Variants in NBPF12 observed in about 807,000 individuals in gnomAD.
NBPF12 encodes the protein NBPF family member NBPF12.
Under a neutral mutation model 146.4 loss-of-function variants are expected in NBPF12, and 115 were observed. The observed-to-expected ratio is 0.79, with a 90% CI of 0.68 to 0.92. The LOEUF (loss-of-function observed/expected upper bound fraction) is 0.92. NBPF12 is among the 40% of genes least tolerant of loss of function. NBPF12 has a pLI of 0.00. For synonymous variants in NBPF12, 385 were observed against 508.9 expected, an observed-to-expected ratio of 0.76 and a Z score of 3.28; for missense variants, 1,205 against 1,326.8, an observed-to-expected ratio of 0.91 and a Z score of 1.43.
At chr1:146,982,397 A>G (rs1349358675) in intron 19 of NBPF12, among the ~76,000 whole-genome samples, 1 of 149,270 alleles carries the variant, frequency 6.7e-6, no homozygotes, top group Admixed American at 6.7e-5. Flanking sequence ...ATTCTCTCCC[A>G]TGTGTTTAAA....
intron 7 of NBPF12, 72 bp from the exon 11 acceptor site, chr1:146,964,821 A>T (rs1399708919): frequency 1.9e-6 from 3 of 1,597,356 alleles, no homozygotes; most frequent in Non-Finnish European, 2.6e-6. Flanking sequence ...TGTCAAAACC[A>T]GCTAGGACTC....
intron 8 of NBPF12, among the ~76,000 whole-genome samples, chr1:146,965,985 T>C (rs1407089342): frequency 6.6e-6 from 1 of 151,318 alleles, no homozygotes; most frequent in East Asian, 1.9e-4. Context: ...TTGGCGCTTG[T>C]AATCCCAGAT....
intron 4 of NBPF12, among the ~76,000 whole-genome samples, chr1:146,961,596 G>A (rs1308874554): frequency 4.0e-5 from 6 of 150,260 alleles, no homozygotes; most frequent in Non-Finnish European, 7.3e-5. Context: ...TACTAATAAA[G>A]TATTTGGGCA....
At chr1:146,953,781 A>G (rs1655430083) in intron 2 of NBPF12, among the ~76,000 whole-genome samples, 1 of 147,490 alleles carries the variant, frequency 6.8e-6, no homozygotes, top group African/African-American at 2.5e-5. Context: ...AGAAAAAAGT[A>G]GAATACCTGT....
chr1:146,953,034 C>G (rs879186409), intron 2 of NBPF12, among the ~76,000 whole-genome samples: 1 of 151,304 alleles, frequency 6.6e-6, no homozygotes, highest in Non-Finnish European at 1.5e-5. Context: ...AGCGGCGTGC[C>G]TGTAAAGGTC....
exon 9 of NBPF12, chr1:146,966,472 C>T (rs1218755779): frequency 5.8e-6 from 8 of 1,384,664 alleles, no homozygotes; most frequent in African/African-American, 1.4e-5. Flanking sequence ...AGTCCCTGGC[C>T]CCACCTCTTC....
chr1:146,970,739 A>T lies in NBPF12; in HGVS notation c.1379+20A>T, dbSNP rs1184455723. 1 of 1,320,382 alleles carries T rather than the reference A, an allele frequency of 7.6e-7. No homozygotes were observed. The highest frequency in any genetic ancestry group is 1.1e-6 in the Non-Finnish European group (1 of 914,920). The allele number at this position is 1,320,382 out of a possible 1,614,324, so 81.8% of individuals were successfully genotyped here. A position where few individuals can be genotyped will look rare whatever the true frequency, so the allele number is the denominator to read the frequency against. On this transcript the variant is annotated intron_variant, in intron 12 of 33. Coordinates refer to ENST00000617844, the Ensembl canonical transcript of NBPF12. The stretch of plus-strand genomic sequence containing the variant: ...CCCCAGGTGACACTGAATACTCAGG[A>T]GCAAGTAATGGGTGTTAACATATGA...
In NBPF12 at chr1:146,984,949, G is replaced by T. The variant is rs1246236081; in HGVS notation, c.2803G>T (p.Glu935Ter). Residue 935 changes from glutamate to a stop codon, truncating the protein, a stop_gained, in exon 22 of 34, where the codon GAG (glutamate) becomes TAG (stop). Transcript: ENST00000617844. LOFTEE classifies it high-confidence loss of function. ...CTACAGAAGTGCCTTTTACGTATTG[G>T]AGCAACAGCGTGTTGGCTTGGCTGT... 3 of 1,546,564 alleles carry T rather than the reference G, an allele frequency of 1.9e-6. No individual in the cohort carries two copies. Among genetic ancestry groups the T allele is most frequent in the Middle Eastern group, 2.3e-4 (1 of 4,372 alleles).
At chr1:146,970,069 G>T (rs1295606092) in intron 11 of NBPF12, among the ~76,000 whole-genome samples, 1 of 149,754 alleles carries the variant, frequency 6.7e-6, no homozygotes, top group African/African-American at 2.5e-5. Flanking sequence ...GAACACTTAC[G>T]AATGCTTTTC....
Position 146,964,508 on chromosome 1 carries a change from A to G in NBPF12, c.566+79A>G, listed in dbSNP as rs1215737288. The G allele has an allele frequency of 6.9e-5, 110 of 1,589,688 alleles. No individual in the cohort carries two copies. The Middle Eastern group carries it at 1.3e-3, about 19-fold the overall frequency. ...AGAAGGCACACCCTCTCTGGCATCT[A>G]TGGTGGGCCAAAAGCCCGCATTCCC... On this transcript the variant is annotated intron_variant, in intron 7 of 33. Coordinates refer to ENST00000617844, the Ensembl canonical transcript of NBPF12.
intron 30 of NBPF12, among the ~76,000 whole-genome samples, 179 bp downstream of exon 33, chr1:146,991,464 G>T (rs1428115498): frequency 6.6e-6 from 1 of 152,152 alleles, no homozygotes; most frequent in Non-Finnish European, 1.5e-5. Context: ...CATGAAATGG[G>T]TCAGTGAGCA....
At chr1:146,961,861 C>A (rs1169945651) in intron 4 of NBPF12, among the ~76,000 whole-genome samples, 1 of 152,024 alleles carries the variant, frequency 6.6e-6, no homozygotes, top group Middle Eastern at 3.2e-3. Flanking sequence ...GGAAAGTGGC[C>A]CCGCATTCAG....
At chr1:146,980,890 G>A (rs1400750164) in intron 19 of NBPF12, among the ~76,000 whole-genome samples, 26,351 of 136,138 alleles carry the variant, frequency 0.19, 2,681 homozygotes, top group Middle Eastern at 0.26. Flanking sequence ...CAAATATCCA[G>A]CAATGATAGA....
At chr1:146,949,135 C>T (rs2486986), upstream of NBPF12, among the ~76,000 whole-genome samples, 8 of 114,408 alleles carry the variant, frequency 7.0e-5, no homozygotes, top group East Asian at 1.1e-3. Context: ...AGGCCAGTGC[C>T]GGCATGGGTC....
intron 13 of NBPF12, among the ~76,000 whole-genome samples, chr1:146,972,102 AAGT>A (rs1163054956): frequency 4.8e-5 from 7 of 146,200 alleles, no homozygotes; most frequent in Non-Finnish European, 9.0e-5. Context: ...AAAAAAAAAA[AAGT>A]AAGTCTCTGA....
In NBPF12 at chr1:146,963,029, T is replaced by G. The variant is rs1313580856; in HGVS notation, c.279-66T>G. 10 of 1,586,440 alleles carry G rather than the reference T, an allele frequency of 6.3e-6. No individual in the cohort carries two copies. In the Admixed American group the frequency reaches 1.7e-4, roughly 26 times the overall value. On this transcript the variant is annotated intron_variant, in intron 5 of 33. Coordinates refer to ENST00000617844, the Ensembl canonical transcript of NBPF12. ...GAGAACATTGTCTCAGAAATCTCTG[T>G]TGCAATATTTGAACGGATCACTCAA...
In NBPF12 at chr1:146,960,012, T is replaced by A. The variant is rs1401205187; in HGVS notation, c.-36+6T>A. On this transcript the variant is annotated splice_donor_region_variant and intron_variant, in intron 3 of 33. Coordinates refer to ENST00000617844, the Ensembl canonical transcript of NBPF12. ...TGATCACATTTTTCACAACAGTAAG[T>A]TAAGAATTTCAGTTACTGACATCCC... is the stretch of plus-strand genomic sequence containing the variant. 4 of 394,468 alleles carry A rather than the reference T, an allele frequency of 1.0e-5. No individual in the cohort carries two copies. The highest frequency in any genetic ancestry group is 8.1e-5 in the East Asian group (2 of 24,634). The allele number at this position is 394,468 out of a possible 1,614,324, so 24.4% of individuals were successfully genotyped here.
chr1:146,938,514 A>AT (rs1349022577), upstream of NBPF12, among the ~76,000 whole-genome samples: 1 of 150,334 alleles, frequency 6.7e-6, no homozygotes, highest in Non-Finnish European at 1.5e-5. Flanking sequence ...GGAGAGAGGG[A>AT]TTTTCCCGTC....
At chr1:146,968,749 C>A (rs1656370410) in intron 10 of NBPF12, among the ~76,000 whole-genome samples, 199 bp downstream of exon 13, 1 of 151,504 alleles carries the variant, frequency 6.6e-6, no homozygotes, top group Non-Finnish European at 1.5e-5. Context: ...TTTCTCAGAG[C>A]CTTGTTTTCT....
Sources: gnomAD v4.1 joint callset for allele counts (sites outside exome capture counted in the v4.1 genomes callset) on GRCh38, gnomAD v4.1.1 for gene constraint, MANE v1.5 for transcripts, NCBI Gene and HGNC (gene_info 2026-07-23, HGNC 2026-07-21) for gene names.